The following IRF9 variants were observed in gnomAD, a reference collection of about 807,000 sequenced individuals.
IRF9 encodes interferon regulatory factor 9.
Under a neutral mutation model 44.1 loss-of-function variants are expected in IRF9, and 13 were observed. That is an observed-to-expected ratio of 0.29 (90% CI 0.19 to 0.47). The LOEUF (loss-of-function observed/expected upper bound fraction) is 0.47. IRF9 is among the 20% of genes least tolerant of loss of function. IRF9 has a pLI of 1.00. For missense variants in IRF9, 373 were observed against 496.1 expected, an observed-to-expected ratio of 0.75 and a Z score of 2.36; for synonymous variants, 189 against 188.5, an observed-to-expected ratio of 1.00 and a Z score of -0.02.
intron 1 of IRF9, among the ~76,000 whole-genome samples, chr14:24,161,795 C>A (rs953370666): frequency 3.9e-5 from 6 of 152,184 alleles, no homozygotes; most frequent in African/African-American, 1.4e-4. Context: ...TAGACAGGGC[C>A]TGTCACCAGG....
In IRF9 at chr14:24,164,103, G is replaced by A; in HGVS notation, c.618G>A (p.Arg206=). Residue 206 remains arginine, a synonymous_variant, in exon 6 of 9, where the codon AGG becomes AGA. Coordinates refer to ENST00000396864, the MANE Select transcript of IRF9 (RefSeq NM_006084.5). The surrounding 1 kb of genome is among the most constrained non-coding windows in gnomAD (Gnocchi z 5.2). ...AGGCCCCCTTTCAAGGGGATCAGAG[G>A]TCCCTGGAGTTTCTGCTTCCTCCAG... ...TTEAPFQGDQ[R]SLEFLLPPEP... is the part of the protein sequence containing the mutation. The A allele has an allele frequency of 1.2e-6, 2 of 1,614,126 alleles. No individual in the cohort carries two copies. The highest frequency in any genetic ancestry group is 1.1e-5 in the South Asian group (1 of 91,084).
Position 24,166,103 on chromosome 14 carries a change from T to C in IRF9, c.1108-19T>C, listed in dbSNP as rs562574936. Reference sequence around the variant, plus strand: ...TGATGCACGCACTGAGATGCTCTTCTCCATCTCTTCCAATACAGATGGAGC... The same window carrying C: ...TGATGCACGCACTGAGATGCTCTTCCCCATCTCTTCCAATACAGATGGAGC... On this transcript the variant is annotated intron_variant, in intron 8 of 8. Coordinates refer to ENST00000396864, the MANE Select transcript of IRF9 (RefSeq NM_006084.5). 1 of 1,610,974 alleles carries C rather than the reference T, an allele frequency of 6.2e-7. No individual in the cohort carries two copies. Among genetic ancestry groups the C allele is most frequent in the East Asian group, 2.2e-5 (1 of 44,858 alleles).
chr14:24,164,406 G>A lies in IRF9; in HGVS notation c.650-208G>A, dbSNP rs990491969. On this transcript the variant is annotated intron_variant, in intron 6 of 8. Transcript: ENST00000396864. The surrounding 1 kb of genome is among the most constrained non-coding windows in gnomAD (Gnocchi z 5.2). ...GCCAAACAGAGGCCCAATCTCAAGG[G>A]ACCTTCTAGTAAACTACAAGCCCCT... The A allele has an allele frequency of 3.0e-5, 18 of 604,286 alleles. No homozygotes were observed. The highest frequency in any genetic ancestry group is 4.4e-5 in the Non-Finnish European group (15 of 344,620). The allele number at this position is 604,286 out of a possible 1,614,324, so 37.4% of individuals were successfully genotyped here.
Position 24,166,304 on chromosome 14 carries a change from A to G in IRF9, c.*108A>G. On this transcript the variant is annotated 3_prime_UTR_variant, in exon 9 of 9. Transcript: ENST00000396864. The stretch of plus-strand genomic sequence containing the variant: ...TGTCCTCTTTGTGATAATTCTCAGT[A>G]GTTGTCCGTGATAATCGTGTCCTGA... The G allele has an allele frequency of 1.0e-6, 1 of 984,934 alleles. No individual in the cohort carries two copies. Among genetic ancestry groups the G allele is most frequent in the African/African-American group, 1.6e-5 (1 of 62,584 alleles). 61.0% of individuals were successfully genotyped at this position (984,934 alleles called of 1,614,324 possible). A position where few individuals can be genotyped will look rare whatever the true frequency, so the allele number is the denominator to read the frequency against.
At chr14:24,165,141 T>C (rs1032219294) in intron 7 of IRF9, 186 bp downstream of exon 7, 4 of 717,726 alleles carry the variant, frequency 5.6e-6, no homozygotes, top group East Asian at 2.7e-5. Flanking sequence ...GGCAGCTACC[T>C]GGCAGCTCTC....
intron 7 of IRF9, among the ~76,000 whole-genome samples, chr14:24,165,607 G>A (rs1308844924): frequency 1.3e-5 from 2 of 152,196 alleles, no homozygotes; most frequent in Non-Finnish European, 2.9e-5. Context: ...TCCCAGCAGA[G>A]AGCTTGTCGG....
At position 24,164,157 on chromosome 14, in the gene IRF9, TCCTGTGC is replaced by T. The variant is rs1375168171; in HGVS notation, c.649+33_649+39del. 3 of 1,606,180 alleles carry T rather than the reference TCCTGTGC, an allele frequency of 1.9e-6. No individual in the cohort carries two copies. The Admixed American group carries it at 5.0e-5, about 27-fold the overall frequency. ...CAGGTACGTGGCATTTCTGACTTTC[TCCTGTGC>T]CCTGTGCCCCTGAGGTCTTCCACCT... is the stretch of plus-strand genomic sequence containing the variant. On this transcript the variant is annotated intron_variant, in intron 6 of 8. Coordinates refer to ENST00000396864, the MANE Select transcript of IRF9 (RefSeq NM_006084.5). The surrounding 1 kb of genome is among the most constrained non-coding windows in gnomAD (Gnocchi z 5.2).
In IRF9 at chr14:24,166,487, A is replaced by C; in HGVS notation, c.*291A>C. The C allele has an allele frequency of 2.0e-6, 1 of 499,044 alleles. No individual in the cohort carries two copies. Among genetic ancestry groups the C allele is most frequent in the Non-Finnish European group, 3.5e-6 (1 of 284,172 alleles). 30.9% of individuals were successfully genotyped at this position (499,044 alleles called of 1,614,324 possible). A position where few individuals can be genotyped will look rare whatever the true frequency, so the allele number is the denominator to read the frequency against. The stretch of plus-strand genomic sequence containing the variant: ...GCCTTTCCCTCTTCCCTGACCTCCC[A>C]ACTCTAAAGCCAAGCACTTTATATT... On this transcript the variant is annotated 3_prime_UTR_variant, in exon 9 of 9. Coordinates refer to ENST00000396864, the MANE Select transcript of IRF9 (RefSeq NM_006084.5).
Position 24,164,297 on chromosome 14 carries a change from G to C in IRF9, c.649+163G>C. On this transcript the variant is annotated intron_variant, in intron 6 of 8. Coordinates refer to ENST00000396864, the MANE Select transcript of IRF9 (RefSeq NM_006084.5). The surrounding 1 kb of genome is among the most constrained non-coding windows in gnomAD (Gnocchi z 5.2). ...AGGTGGCGAGAATTCCATATGCCTG[G>C]CCAGACTCCAAAAAGCTTGCTTCCC... The C allele has an allele frequency of 1.5e-6, 1 of 668,126 alleles. No individual in the cohort carries two copies. Among genetic ancestry groups the C allele is most frequent in the South Asian group, 1.9e-5 (1 of 53,158 alleles). 41.4% of individuals were successfully genotyped at this position (668,126 alleles called of 1,614,324 possible). A position where few individuals can be genotyped will look rare whatever the true frequency, so the allele number is the denominator to read the frequency against.
chr14:24,162,353 C>G, intron 2 of IRF9, 29 bp downstream of exon 2: 1 of 1,605,222 alleles, frequency 6.2e-7, no homozygotes. Flanking sequence ...CACTGTTCCT[C>G]TGTGTGTGGG....
chr14:24,162,366 G>C, intron 2 of IRF9, 42 bp downstream of exon 2: 1 of 1,572,822 alleles, frequency 6.4e-7, no homozygotes, highest in Non-Finnish European at 8.7e-7. Context: ...TGTGTGGGAT[G>C]GTGTATACAC....
chr14:24,161,989 G>A (rs1401133683), intron 1 of IRF9, among the ~76,000 whole-genome samples, 155 bp from the exon 2 acceptor site: 1 of 152,174 alleles, frequency 6.6e-6, no homozygotes, highest in Admixed American at 6.5e-5. Context: ...AAACAATTCT[G>A]TCCCATAGAG....
At chr14:24,161,453 T>G (rs2038454678) in intron 1 of IRF9, 115 bp downstream of exon 1, 1 of 152,288 alleles carries the variant, frequency 6.6e-6, no homozygotes, top group Non-Finnish European at 1.5e-5. Flanking sequence ...AGACAGAAGA[T>G]CTCTTAAGTC....
In IRF9 at chr14:24,162,219, T is replaced by C. The variant is rs776951211; in HGVS notation, c.75T>C (p.Phe25=). 3.1e-6 allele frequency: 5 copies of C among 1,614,164 alleles called. No individual in the cohort carries two copies. In the South Asian group the frequency reaches 3.3e-5, roughly 11 times the overall value. The change falls in exon 2 of 9, where the codon TTT becomes TTC. Residue 25 remains phenylalanine, a synonymous_variant. Transcript: ENST00000396864. ...TGGAGCAAGTGGAGAGTGGGCAGTT[T>C]CCCGGAGTGTGCTGGGATGATACAG... ...WVVEQVESGQ[F]PGVCWDDTAK...
Position 24,164,825 on chromosome 14 carries a change from C to T in IRF9, c.861C>T (p.Gly287=). 1 of 1,609,950 alleles carries T rather than the reference C, an allele frequency of 6.2e-7. No individual in the cohort carries two copies. Among genetic ancestry groups the T allele is most frequent in the Non-Finnish European group, 8.5e-7 (1 of 1,179,964 alleles). ...TCCTAGTGGCCAGCAACCCCCGAGG[C>T]CTCTTCGTGCAGCGCCTTTGCCCCA... ...RGILVASNPR[G]LFVQRLCPIP... The change falls in exon 7 of 9, where the codon GGC becomes GGT. Residue 287 remains glycine, a synonymous_variant. Transcript: ENST00000396864. This position sits in a 1 kb window ranked among gnomAD's most constrained non-coding sequence, Gnocchi z 5.2.
chr14:24,164,671 T>C lies in IRF9; in HGVS notation c.707T>C (p.Val236Ala). 1 of 1,613,498 alleles carries C rather than the reference T, an allele frequency of 6.2e-7. No individual in the cohort carries two copies. The highest frequency in any genetic ancestry group is 8.5e-7 in the Non-Finnish European group (1 of 1,179,634). The change falls in exon 7 of 9, where the codon GTG (valine) becomes GCG (alanine). Residue 236 changes from valine to alanine, a missense_variant. Physicochemically the swap from Val to Ala is moderately conservative, Grantham distance 64 (BLOSUM62 0). Around this residue, in one of 2 missense-constraint regions of IRF9, gnomAD observed 146 missense variants for 240.8 expected, o/e 0.61. Transcript: ENST00000396864. The surrounding 1 kb of genome is among the most constrained non-coding windows in gnomAD (Gnocchi z 5.2). The part of the protein sequence containing the change: ...YNGRVVGEAQ[V>A]QSLDCRLVAE... Reference sequence around the variant, plus strand: ...GGGCGCGTGGTGGGCGAGGCCCAGGTGCAAAGCCTGGATTGCCGCCTTGTG... The same window carrying C: ...GGGCGCGTGGTGGGCGAGGCCCAGGCGCAAAGCCTGGATTGCCGCCTTGTG...
Position 24,164,741 on chromosome 14 carries a change from C to G in IRF9, c.777C>G (p.Phe259Leu). ...GSESSMEQVL[F>L]PKPGPLEPTQ... ...AGAGCAGCATGGAGCAGGTGCTGTT[C>G]CCCAAGCCTGGCCCACTGGAGCCCA... Residue 259 changes from phenylalanine (F) to leucine (L), a missense_variant, in exon 7 of 9, where the codon TTC becomes TTG. By Grantham distance (22) the Phe-to-Leu change is conservative. Around this residue, in one of 2 missense-constraint regions of IRF9, gnomAD observed 146 missense variants for 240.8 expected, o/e 0.61. Coordinates refer to ENST00000396864, the MANE Select transcript of IRF9 (RefSeq NM_006084.5). The surrounding 1 kb of genome is among the most constrained non-coding windows in gnomAD (Gnocchi z 5.2). 6.2e-7 allele frequency: 1 copy of G among 1,612,614 alleles called. No individual in the cohort carries two copies. The highest frequency in any genetic ancestry group is 8.5e-7 in the Non-Finnish European group (1 of 1,179,884).
Position 24,163,011 on chromosome 14 carries a change from G to C in IRF9, c.226G>C (p.Gly76Arg). ...KGKYKEGDTG[G>R]PAVWKTRLRC... ...AAAGTATAAGGAGGGGGACACAGGA[G>C]GTCCAGCTGTCTGGAAGACTCGCCT... The change falls in exon 3 of 9, where the codon GGT becomes CGT. Residue 76 changes from glycine (G) to arginine (R), a missense_variant. Gly to Arg is a moderately radical substitution (Grantham distance 125, BLOSUM62 -2). This residue lies in a region of IRF9 where 227 missense variants were observed against 255.3 expected (regional missense o/e 0.89). Coordinates refer to ENST00000396864, the MANE Select transcript of IRF9 (RefSeq NM_006084.5). 6.2e-7 allele frequency: 1 copy of C among 1,614,080 alleles called. No homozygotes were observed. Among genetic ancestry groups the C allele is most frequent in the Non-Finnish European group, 8.5e-7 (1 of 1,180,008 alleles).
chr14:24,165,853 T>G lies in IRF9; in HGVS notation c.998T>G (p.Val333Gly). ...FRTAYFCRDL[V>G]RYFQGLGPPP... ...TTGACCCTTTCTCTTTCAGACTTGGTCAGGTACTTTCAGGGCCTGGGCCCC... is the reference window on the plus strand; with the variant it reads ...TTGACCCTTTCTCTTTCAGACTTGGGCAGGTACTTTCAGGGCCTGGGCCCC... The change falls in exon 8 of 9, where the codon GTC becomes GGC. Residue 333 changes from valine (V) to glycine (G), a missense_variant. Val to Gly is a moderately radical substitution (Grantham distance 109). Coordinates refer to ENST00000396864, the MANE Select transcript of IRF9 (RefSeq NM_006084.5). 6.2e-7 allele frequency: 1 copy of G among 1,612,848 alleles called. No homozygotes were observed. The highest frequency in any genetic ancestry group is 8.5e-7 in the Non-Finnish European group (1 of 1,178,898).
Sources: gnomAD v4.1 joint callset for allele counts (sites outside exome capture counted in the v4.1 genomes callset) on GRCh38, gnomAD v4.1.1 for gene constraint, gnomAD v4.1.1 regional missense constraint, Gnocchi (gnomAD v3.1) non-coding constraint, MANE v1.5 for transcripts, NCBI Gene and HGNC (gene_info 2026-07-23, HGNC 2026-07-21) for gene names.